The following DNA2 variants were observed in gnomAD, a reference collection of about 807,000 sequenced individuals.
DNA2 encodes the protein DNA replication ATP-dependent helicase/nuclease DNA2.
DNA2 carries 101 observed loss-of-function variants against 119.1 expected under a neutral mutation model. The ratio of observed to expected loss-of-function variants is 0.85; its 90% CI spans 0.72 to 1.00. The LOEUF (loss-of-function observed/expected upper bound fraction) is 1.00. Ranked by LOEUF, DNA2 falls within the 50% of genes least tolerant of loss-of-function variation. The pLI, the probability that DNA2 is intolerant of heterozygous loss-of-function variation, is 0.00. For missense variants in DNA2, 1,121 were observed against 1,255.5 expected (o/e 0.89, Z 1.62); for synonymous variants, 366 against 424.4 (o/e 0.86, Z 1.69).
intron 18 of DNA2, 136 bp from the exon 19 acceptor site, chr10:68,419,349 C>A: frequency 4.5e-6 from 3 of 667,680 alleles, no homozygotes; most frequent in Non-Finnish European, 4.8e-6. Context: ...AGACTGAATA[C>A]AATTACTGAA....
intron 14 of DNA2, chr10:68,424,548 C>T (rs896662888): frequency 1.3e-5 from 11 of 832,962 alleles, no homozygotes; most frequent in African/African-American, 8.4e-5. Context: ...CGCCGCTAGC[C>T]GGAGCATCAC....
In DNA2 at chr10:68,430,876, G is replaced by T. The variant is rs141279262; in HGVS notation, c.1984-216C>A. ...AGGCCAGGCATGGTGGCTCACACTT[G>T]TAATCCCAGCACTTTGGGAGGCTGA... On this transcript the variant is annotated intron_variant, in intron 13 of 20. Coordinates refer to ENST00000358410, the MANE Select transcript of DNA2 (RefSeq NM_001080449.3). 0.025 allele frequency among the ~76,000 whole-genome samples: 3,834 copies of T among 152,260 alleles called. 159 individuals are homozygous for T. The highest frequency in any genetic ancestry group is 0.087 in the African/African-American group (3,625 of 41,554).
At chr10:68,421,814 G>GC (rs2051668574) in intron 17 of DNA2, among the ~76,000 whole-genome samples, 1 of 138,544 alleles carries the variant, frequency 7.2e-6, no homozygotes, top group Non-Finnish European at 1.5e-5. Flanking sequence ...CATTAGTTTT[G>GC]CCTTTTTTTT....
At chr10:68,470,190 T>A in intron 1 of DNA2, 27 bp from the exon 2 acceptor site, 1 of 1,554,002 alleles carries the variant, frequency 6.4e-7, no homozygotes, top group Non-Finnish European at 8.7e-7. Flanking sequence ...CAAAACTATT[T>A]TAGCACAACC....
chr10:68,419,265 C>T, intron 18 of DNA2, 52 bp from the exon 19 acceptor site: 1 of 1,338,482 alleles, frequency 7.5e-7, no homozygotes, highest in East Asian at 2.8e-5. Flanking sequence ...TTAAGTTAAA[C>T]TTTTCTGAAT....
At chr10:68,443,167 C>T (rs556861708) in intron 8 of DNA2, 56 bp from the exon 9 acceptor site, 61 of 1,427,162 alleles carry the variant, frequency 4.3e-5, no homozygotes, top group South Asian at 1.5e-4. Context: ...TGGCTGGGTA[C>T]GAAGTGAGAT....
At chr10:68,424,806 G>T in intron 14 of DNA2, 1 of 1,101,494 alleles carries the variant, frequency 9.1e-7, no homozygotes, top group South Asian at 1.2e-5. Flanking sequence ...CATCTACACT[G>T]AGCAGGTGCA....
chr10:68,414,081 T>A lies in DNA2; in HGVS notation c.*958A>T, dbSNP rs1466895206. 6.6e-6 allele frequency: 1 copy of A among 150,734 alleles called. No individual in the cohort carries two copies. Among genetic ancestry groups the A allele is most frequent in the South Asian group, 2.1e-4 (1 of 4,786 alleles). The allele number at this position is 150,734 out of a possible 1,614,324, so 9.3% of individuals were successfully genotyped here. ...AGTTAAGATCCATTAGTAGAAAAAATTTATTAAATAAAAAACTTCAAGTAA... is the reference window on the plus strand; with the variant it reads ...AGTTAAGATCCATTAGTAGAAAAAAATTATTAAATAAAAAACTTCAAGTAA... On this transcript the variant is annotated 3_prime_UTR_variant, in exon 21 of 21. Coordinates refer to ENST00000358410, the MANE Select transcript of DNA2 (RefSeq NM_001080449.3).
chr10:68,416,435 C>T (rs1171504229), intron 20 of DNA2, among the ~76,000 whole-genome samples: 1 of 152,126 alleles, frequency 6.6e-6, no homozygotes, highest in Non-Finnish European at 1.5e-5. Context: ...CACTGCACTG[C>T]AGCCTGGGTG....
chr10:68,423,246 C>T (rs376492534), intron 14 of DNA2, among the ~76,000 whole-genome samples: 5 of 151,024 alleles, frequency 3.3e-5, no homozygotes, highest in African/African-American at 1.2e-4. Context: ...TTTCCTTATT[C>T]TTTCCACAAA....
chr10:68,435,450 C>T (rs928909886), intron 10 of DNA2, among the ~76,000 whole-genome samples: 37 of 146,198 alleles, frequency 2.5e-4, no homozygotes, highest in Admixed American at 4.3e-4. Context: ...GTAGAATATA[C>T]ATACACATAT....
At position 68,452,737 on chromosome 10, in the gene DNA2, ATTTTTTT is replaced by A. The variant is rs35788452; in HGVS notation, c.720-2497_720-2491del. Among the ~76,000 whole-genome samples the A allele has an allele frequency of 3.1e-3, 276 of 90,162 alleles. 1 individual carries two copies. The highest frequency in any genetic ancestry group is 9.7e-3 in the African/African-American group (243 of 25,000). 59.1% of individuals were successfully genotyped at this position (90,162 alleles called of 152,430 possible). A position where few individuals can be genotyped will look rare whatever the true frequency, so the allele number is the denominator to read the frequency against. The stretch of plus-strand genomic sequence containing the variant: ...CAGGCATCTGCCATTACGCCCAGCT[ATTTTTTT>A]TTTTTTTTTTTTTTTTTTTTGTAGG... On this transcript the variant is annotated intron_variant, in intron 5 of 20. Transcript: ENST00000358410.
chr10:68,456,488 C>T (rs1443496786), intron 5 of DNA2, among the ~76,000 whole-genome samples: 4 of 152,198 alleles, frequency 2.6e-5, no homozygotes, highest in South Asian at 4.1e-4. Flanking sequence ...GATCTCGGCT[C>T]GCTGTAATCT....
Position 68,432,438 on chromosome 10 carries a change from G to A in DNA2, c.1719C>T (p.Thr573=), listed in dbSNP as rs1295862594. 6.3e-6 allele frequency: 10 copies of A among 1,597,158 alleles called. No homozygotes were observed. The highest frequency in any genetic ancestry group is 2.2e-5 in the East Asian group (1 of 44,604). ...DQEEKNCDID[T]PLGNLSKLME... ...TCAATTTGGAAAGATTTCCTAATGGGGTATCTATATCACAATTTTTTTCTT... is the reference window on the plus strand; with the variant it reads ...TCAATTTGGAAAGATTTCCTAATGGAGTATCTATATCACAATTTTTTTCTT... The change falls in exon 11 of 21, where the codon ACC becomes ACT. Residue 573 remains threonine (T), a synonymous_variant. Transcript: ENST00000358410.
intron 9 of DNA2, among the ~76,000 whole-genome samples, chr10:68,439,903 G>A (rs997072372): frequency 6.6e-6 from 1 of 152,088 alleles, no homozygotes; most frequent in African/African-American, 2.4e-5. Flanking sequence ...TACTCAGGAG[G>A]CTGAGGCAGG....
At chr10:68,433,404 T>C (rs2051846611) in intron 10 of DNA2, among the ~76,000 whole-genome samples, 1 of 152,202 alleles carries the variant, frequency 6.6e-6, no homozygotes, top group South Asian at 2.1e-4. Context: ...GCTTTTAGTT[T>C]TTCTTCCATT....
chr10:68,457,059 G>A (rs111702405), intron 5 of DNA2, among the ~76,000 whole-genome samples: 4,533 of 151,600 alleles, frequency 0.03, 110 homozygotes, highest in Non-Finnish European at 0.045. Context: ...GCGTGAACCC[G>A]GGAGGCGGAG....
chr10:68,418,478 TAA>T (rs35448515), intron 19 of DNA2, among the ~76,000 whole-genome samples: 3 of 140,972 alleles, frequency 2.1e-5, no homozygotes, highest in Non-Finnish European at 3.1e-5. Flanking sequence ...TTATTTTCTT[TAA>T]AAAAAAAAAA....
At chr10:68,465,428 A>C (rs2052315994) in intron 4 of DNA2, among the ~76,000 whole-genome samples, 1 of 152,158 alleles carries the variant, frequency 6.6e-6, no homozygotes, top group Non-Finnish European at 1.5e-5. Context: ...CATTCTCTGA[A>C]AGTACTTAAG....
Sources: gnomAD v4.1 joint callset for allele counts (sites outside exome capture counted in the v4.1 genomes callset) on GRCh38, gnomAD v4.1.1 for gene constraint, MANE v1.5 for transcripts, NCBI Gene and HGNC (gene_info 2026-07-23, HGNC 2026-07-21) for gene names.